The following WWC1 variants were observed in gnomAD, a reference collection of about 807,000 sequenced individuals.
WWC1 encodes the protein WW and C2 domain containing 1, also known as protein KIBRA.
Under a neutral mutation model 138.4 loss-of-function variants are expected in WWC1, and 55 were observed. That is an observed-to-expected ratio of 0.40 (90% CI 0.32 to 0.50). The LOEUF (loss-of-function observed/expected upper bound fraction) is 0.50, where lower values mean the gene tolerates loss of function less well. Among genes scored for constraint, WWC1 ranks in the 20% least tolerant of loss-of-function variants. The pLI is 0.72. For synonymous variants in WWC1, 524 were observed against 564.9 expected (o/e 0.93, Z 1.03); for missense variants, 1,226 against 1,420.4 (o/e 0.86, Z 2.20).
chr5:168,331,513 G>A (rs72828862), intron 1 of WWC1, among the ~76,000 whole-genome samples: 16,988 of 152,166 alleles, frequency 0.11, 1,280 homozygotes, highest in Non-Finnish European at 0.15. Flanking sequence ...AGTGAGTTAA[G>A]GGAAATTGTG....
chr5:168,323,279 C>T (rs1401268218), intron 1 of WWC1, among the ~76,000 whole-genome samples: 1 of 152,160 alleles, frequency 6.6e-6, no homozygotes, highest in Non-Finnish European at 1.5e-5. Context: ...GGTACAGTGG[C>T]TCACACCTGT....
At chr5:168,374,804 A>G (rs1007809986) in intron 2 of WWC1, among the ~76,000 whole-genome samples, 1 of 152,244 alleles carries the variant, frequency 6.6e-6, no homozygotes, top group Non-Finnish European at 1.5e-5. Flanking sequence ...GCCACAGTCC[A>G]GGCGCCCTAG....
In WWC1 at chr5:168,431,414, C is replaced by T; in HGVS notation, c.2250C>T (p.Thr750=). The change falls in exon 15 of 23, where the codon ACC becomes ACT. Residue 750 remains threonine (T), a synonymous_variant. Coordinates refer to ENST00000265293, the MANE Select transcript of WWC1 (RefSeq NM_015238.3). ...HQKTLRVDVC[T]TDRSHLEECL... is the part of the protein sequence containing the mutation. ...AGACCTTAAGAGTCGATGTCTGTAC[C>T]ACCGACAGGAGCCATCTGGAAGAGT... 1 of 1,613,344 alleles carries T rather than the reference C, an allele frequency of 6.2e-7. No individual in the cohort carries two copies. The highest frequency in any genetic ancestry group is 8.5e-7 in the Non-Finnish European group (1 of 1,179,866).
At chr5:168,417,566 A>G (rs729387) in intron 9 of WWC1, among the ~76,000 whole-genome samples, 65,516 of 151,888 alleles carry the variant, frequency 0.43, 15,594 homozygotes, top group East Asian at 0.77. Context: ...AAGTTTGCTA[A>G]CCCCAGAGGC....
intron 2 of WWC1, among the ~76,000 whole-genome samples, chr5:168,382,036 A>C (rs1047721872): frequency 1.3e-5 from 2 of 152,150 alleles, no homozygotes; most frequent in African/African-American, 4.8e-5. Context: ...AAATTCATAG[A>C]CATATGTTTT....
At position 168,464,996 on chromosome 5, in the gene WWC1, G is replaced by A. The variant is rs200244629; in HGVS notation, c.3150+34G>A. 3.3e-3 allele frequency: 5,315 copies of A among 1,608,772 alleles called. 19 individuals are homozygous for A. Among genetic ancestry groups the A allele is most frequent in the Non-Finnish European group, 3.9e-3 (4,557 of 1,177,920 alleles). On this transcript the variant is annotated intron_variant, in intron 21 of 22. Coordinates refer to ENST00000265293, the MANE Select transcript of WWC1 (RefSeq NM_015238.3). Reference sequence around the variant, plus strand: ...TGCCTCGAAGGCAGGGGAGCCCTGCGCTCTGCCCCAGAGAGTCGGGGGGCA... The same window carrying A: ...TGCCTCGAAGGCAGGGGAGCCCTGCACTCTGCCCCAGAGAGTCGGGGGGCA...
At chr5:168,309,906 A>G (rs1158285240) in intron 1 of WWC1, among the ~76,000 whole-genome samples, 1 of 152,096 alleles carries the variant, frequency 6.6e-6, no homozygotes, top group Non-Finnish European at 1.5e-5. Context: ...AAGCACGACA[A>G]ACTACAACAA....
intron 17 of WWC1, 134 bp from the exon 18 acceptor site, chr5:168,453,833 TG>T: frequency 6.8e-7 from 1 of 1,469,756 alleles, no homozygotes; most frequent in Non-Finnish European, 9.0e-7. Flanking sequence ...GGTGTGAGCC[TG>T]GCCCCCCAAA....
intron 1 of WWC1, among the ~76,000 whole-genome samples, chr5:168,332,631 C>T (rs989999803): frequency 6.6e-6 from 1 of 152,124 alleles, no homozygotes; most frequent in Non-Finnish European, 1.5e-5. Context: ...TAAGGGTTTG[C>T]ATAGTAGGTG....
At chr5:168,339,929 CTCTT>C (rs1212918288) in intron 1 of WWC1, among the ~76,000 whole-genome samples, 1 of 142,616 alleles carries the variant, frequency 7.0e-6, no homozygotes, top group African/African-American at 2.8e-5. Context: ...CTCTCTTTCT[CTCTT>C]TCTCTCTCTC....
At chr5:168,316,875 C>T (rs967713749) in intron 1 of WWC1, 3 of 152,156 alleles carry the variant, frequency 2.0e-5, no homozygotes, top group Non-Finnish European at 1.5e-5. Flanking sequence ...TGTTTCTGAA[C>T]CCATTCCCTT....
chr5:168,424,138 C>T, intron 11 of WWC1, 70 bp downstream of exon 11: 2 of 1,504,126 alleles, frequency 1.3e-6, no homozygotes, highest in Non-Finnish European at 8.9e-7. Flanking sequence ...TCAGAACCCC[C>T]CAGTGATCAT....
chr5:168,447,793 T>TTCTC (rs71808762), intron 17 of WWC1, among the ~76,000 whole-genome samples: 6 of 151,390 alleles, frequency 4.0e-5, no homozygotes, highest in African/African-American at 1.2e-4. Flanking sequence ...CTCTCTTTCT[T>TTCTC]TCTCTCTCTC....
intron 1 of WWC1, among the ~76,000 whole-genome samples, chr5:168,330,317 C>A (rs1273445405): frequency 6.6e-6 from 1 of 152,164 alleles, no homozygotes; most frequent in South Asian, 2.1e-4. Context: ...TGAGCAACAA[C>A]CCCTTGGAAG....
intron 1 of WWC1, among the ~76,000 whole-genome samples, chr5:168,359,091 TGTCACC>T (rs1279456941): frequency 6.6e-6 from 1 of 151,134 alleles, no homozygotes; most frequent in Non-Finnish European, 1.5e-5. Context: ...ACTCTCACTC[TGTCACC>T]CAGGCTGGAG....
Position 168,444,502 on chromosome 5 carries a change from G to T in WWC1, c.2442G>T (p.Val814=). 3.2e-6 allele frequency: 5 copies of T among 1,580,760 alleles called. No homozygotes were observed. The South Asian group carries it at 3.5e-5, about 11-fold the overall frequency. The change falls in exon 17 of 23, where the codon GTG becomes GTT. Residue 814 remains valine, a synonymous_variant. Transcript: ENST00000265293. ...PASGPASTDA[V]SALLEQTAVE... ...AACCTTTGTCTCTATAGGACGCTGT[G>T]TCTGCTCTGTTGGAACAGACAGCAG...
chr5:168,428,595 A>G, intron 12 of WWC1, 112 bp from the exon 13 acceptor site: 1 of 1,035,122 alleles, frequency 9.7e-7, no homozygotes, highest in East Asian at 2.6e-5. Context: ...AAAGGACCTG[A>G]AGGGAAGCTG....
chr5:168,348,171 G>A (rs1486744758), intron 1 of WWC1, among the ~76,000 whole-genome samples: 1 of 152,198 alleles, frequency 6.6e-6, no homozygotes, highest in South Asian at 2.1e-4. Flanking sequence ...CCTGAAGGTG[G>A]CCAAGAGAAG....
chr5:168,419,699 G>T (rs1780934512), intron 9 of WWC1, among the ~76,000 whole-genome samples: 1 of 152,210 alleles, frequency 6.6e-6, no homozygotes, highest in Non-Finnish European at 1.5e-5. Context: ...CATGAGAGCA[G>T]CCCAGGTCAC....
Sources: gnomAD v4.1 joint callset for allele counts (sites outside exome capture counted in the v4.1 genomes callset) on GRCh38, gnomAD v4.1.1 for gene constraint, MANE v1.5 for transcripts, NCBI Gene and HGNC (gene_info 2026-07-23, HGNC 2026-07-21) for gene names.